NEURL1: variants seen among roughly 807,000 people sequenced by gnomAD.
NEURL1 encodes the protein E3 ubiquitin-protein ligase NEURL1.
In NEURL1, 26 loss-of-function variants were observed where a neutral mutation model predicts 41.2. The ratio of observed to expected loss-of-function variants is 0.63; its 90% CI spans 0.46 to 0.87. The LOEUF (loss-of-function observed/expected upper bound fraction) is 0.87. NEURL1 is among the 40% of genes least tolerant of loss of function. The pLI is 0.00. For synonymous variants in NEURL1, 400 were observed against 402.3 expected (o/e 0.99, Z 0.07); for missense variants, 761 against 871.1 (o/e 0.87, Z 1.59).
intron 1 of NEURL1, among the ~76,000 whole-genome samples, chr10:103,519,465 T>C (rs550844443): frequency 6.6e-6 from 1 of 152,284 alleles, no homozygotes; most frequent in South Asian, 2.1e-4. Flanking sequence ...ATTCTTCCCC[T>C]CAGTGCCCAG....
intron 1 of NEURL1, among the ~76,000 whole-genome samples, chr10:103,548,689 T>C (rs1422770606): frequency 6.6e-6 from 1 of 152,256 alleles, no homozygotes; most frequent in Non-Finnish European, 1.5e-5. Context: ...GGACAGAGAC[T>C]TTAGTCCTTC....
intron 1 of NEURL1, among the ~76,000 whole-genome samples, chr10:103,549,448 C>G (rs1252185378): frequency 1.3e-5 from 2 of 152,222 alleles, no homozygotes; most frequent in Admixed American, 6.5e-5. Flanking sequence ...TCATCTCTCA[C>G]TCTTCCAGAC....
At chr10:103,586,948 G>A (rs2035936123) in intron 4 of NEURL1, among the ~76,000 whole-genome samples, 1 of 152,156 alleles carries the variant, frequency 6.6e-6, no homozygotes, top group Non-Finnish European at 1.5e-5. Context: ...CTACTCGGGA[G>A]GTTGAGGCAG....
In NEURL1 at chr10:103,589,605, G is replaced by T; in HGVS notation, c.1431G>T (p.Leu477=). 3.7e-6 allele frequency: 6 copies of T among 1,613,964 alleles called. No homozygotes were observed. Among genetic ancestry groups the T allele is most frequent in the Non-Finnish European group, 5.1e-6 (6 of 1,179,914 alleles). The change falls in exon 5 of 6, where the codon CTG becomes CTT. Residue 477 remains leucine (L), a synonymous_variant. Coordinates refer to ENST00000369780, the MANE Select transcript of NEURL1 (RefSeq NM_004210.5). ...PTSPSALGSR[L]SDPLLSTCSS... ...CGCCCAGTGCCCTGGGCAGCCGCCT[G>T]TCTGACCCCTTGCTCAGCACGTGCA...
intron 3 of NEURL1, among the ~76,000 whole-genome samples, chr10:103,572,749 CTG>C (rs1364402423): frequency 6.6e-6 from 1 of 152,238 alleles, no homozygotes; most frequent in East Asian, 1.9e-4. Context: ...CACATAGACT[CTG>C]GGTACAAATC....
chr10:103,528,869 C>A (rs879279510), intron 1 of NEURL1, among the ~76,000 whole-genome samples: 1 of 151,944 alleles, frequency 6.6e-6, no homozygotes, highest in Admixed American at 6.6e-5. Flanking sequence ...AGGAACTGGG[C>A]AAGTGTTGGA....
At chr10:103,547,334 C>T (rs2034943078) in intron 1 of NEURL1, among the ~76,000 whole-genome samples, 2 of 152,258 alleles carry the variant, frequency 1.3e-5, no homozygotes, top group Admixed American at 1.3e-4. Context: ...GGGAGTACCC[C>T]AGCCAAGGGC....
At position 103,494,081 on chromosome 10, in the gene NEURL1, A is replaced by C; in HGVS notation, c.-307A>C. 3.7e-5 allele frequency: 9 copies of C among 241,572 alleles called. No homozygotes were observed. Among genetic ancestry groups the C allele is most frequent in the East Asian group, 1.9e-4 (2 of 10,718 alleles). 15.0% of individuals were successfully genotyped at this position (241,572 alleles called of 1,614,324 possible). A position where few individuals can be genotyped will look rare whatever the true frequency, so the allele number is the denominator to read the frequency against. Reference sequence around the variant, plus strand: ...CGGAACCCTAGCGTCCCGGGGAGCAAGCGGGGAGCCCCGGGCGTCCCCGGC... The same window carrying C: ...CGGAACCCTAGCGTCCCGGGGAGCACGCGGGGAGCCCCGGGCGTCCCCGGC... On this transcript the variant is annotated 5_prime_UTR_variant, in exon 1 of 6. Transcript: ENST00000369780.
intron 1 of NEURL1, among the ~76,000 whole-genome samples, chr10:103,554,010 T>G (rs2035090444): frequency 6.6e-6 from 1 of 152,254 alleles, no homozygotes; most frequent in Non-Finnish European, 1.5e-5. Flanking sequence ...GCAAGCTCCT[T>G]AGCCTCTCAG....
At chr10:103,506,709 AC>A (rs772494739) in intron 1 of NEURL1, among the ~76,000 whole-genome samples, 1 of 152,016 alleles carries the variant, frequency 6.6e-6, no homozygotes, top group Non-Finnish European at 1.5e-5. Context: ...ACAGGTGTGC[AC>A]CACCACGCCC....
intron 1 of NEURL1, among the ~76,000 whole-genome samples, chr10:103,530,898 T>C (rs2034557027): frequency 6.6e-6 from 1 of 152,134 alleles, no homozygotes; most frequent in Non-Finnish European, 1.5e-5. Flanking sequence ...ATGTGGTCTA[T>C]CCTGGACAAT....
chr10:103,497,172 T>C (rs1277531428), intron 1 of NEURL1, among the ~76,000 whole-genome samples: 2 of 152,244 alleles, frequency 1.3e-5, no homozygotes, highest in Non-Finnish European at 2.9e-5. Context: ...ACCTTTATTC[T>C]GTAATTGTTT....
chr10:103,539,394 A>G (rs1215990195), intron 1 of NEURL1, among the ~76,000 whole-genome samples: 1 of 152,186 alleles, frequency 6.6e-6, no homozygotes, highest in African/African-American at 2.4e-5. Context: ...TCTCTATTAG[A>G]TATGTGCTTT....
chr10:103,519,576 T>G (rs1182075686), intron 1 of NEURL1, among the ~76,000 whole-genome samples: 3 of 152,152 alleles, frequency 2.0e-5, no homozygotes, highest in Non-Finnish European at 4.4e-5. Context: ...GGGCTCCACA[T>G]CGTATGCATC....
chr10:103,570,282 T>C (rs1170424661), intron 1 of NEURL1, among the ~76,000 whole-genome samples: 1 of 152,158 alleles, frequency 6.6e-6, no homozygotes, highest in Non-Finnish European at 1.5e-5. Context: ...ATGCTGCCTG[T>C]GCTGCTGAGA....
At chr10:103,495,579 G>A (rs557846293) in intron 1 of NEURL1, among the ~76,000 whole-genome samples, 1 of 152,288 alleles carries the variant, frequency 6.6e-6, no homozygotes, top group South Asian at 2.1e-4. Flanking sequence ...CCAGACCTCG[G>A]CGCTAGGTGC....
At chr10:103,560,284 G>T (rs907856822) in intron 1 of NEURL1, among the ~76,000 whole-genome samples, 2 of 152,258 alleles carry the variant, frequency 1.3e-5, no homozygotes, top group South Asian at 4.1e-4. Flanking sequence ...CTGGGGCAGG[G>T]ATTGGGAGCT....
At chr10:103,526,928 C>T (rs574530111) in intron 1 of NEURL1, among the ~76,000 whole-genome samples, 105 of 147,272 alleles carry the variant, frequency 7.1e-4, no homozygotes, top group African/African-American at 2.5e-3. Context: ...GTGGTATCAT[C>T]TTTTTTTTTT....
chr10:103,560,594 G>A (rs541189891), intron 1 of NEURL1, among the ~76,000 whole-genome samples: 3 of 152,266 alleles, frequency 2.0e-5, no homozygotes, highest in South Asian at 2.1e-4. Context: ...AGGACCTGCC[G>A]TTCGCATGCC....
Sources: gnomAD v4.1 joint callset for allele counts (sites outside exome capture counted in the v4.1 genomes callset) on GRCh38, gnomAD v4.1.1 for gene constraint, MANE v1.5 for transcripts, NCBI Gene and HGNC (gene_info 2026-07-23, HGNC 2026-07-21) for gene names.